KANSL1L: variants seen among roughly 807,000 people sequenced by gnomAD.
KANSL1L encodes the protein KAT8 regulatory NSL complex subunit 1 like, also known as KAT8 regulatory NSL complex subunit 1-like protein.
A neutral mutation model predicts 108.6 loss-of-function variants in KANSL1L; 25 were observed. The ratio of observed to expected loss-of-function variants is 0.23; its 90% CI spans 0.17 to 0.32. The LOEUF is 0.32. KANSL1L is among the 10% of genes least tolerant of loss of function. The pLI is 1.00. For synonymous variants in KANSL1L, 405 were observed against 395.1 expected (o/e 1.03, Z -0.30); for missense variants, 1,137 against 1,125.7 (o/e 1.01, Z -0.14).
In KANSL1L at chr2:210,031,435, C is replaced by G. The variant is rs746288323; in HGVS notation, c.2141G>C (p.Ser714Thr). 1.3e-6 allele frequency: 2 copies of G among 1,599,950 alleles called. No individual in the cohort carries two copies. Among genetic ancestry groups the G allele is most frequent in the South Asian group, 1.1e-5 (1 of 90,114 alleles). Residue 714 changes from serine to threonine, a missense_variant, in exon 9 of 15, where the codon AGT becomes ACT. Ser to Thr is a moderately conservative substitution (Grantham distance 58). This residue lies in a region of KANSL1L where 575 missense variants were observed against 567.1 expected (regional missense o/e 1.01). Transcript: ENST00000281772. ...LLQGRKKRHL[S>T]ETALGERTKL... is the part of the protein sequence containing the mutation. Reference sequence around the variant, plus strand: ...CTTTAACCTACCTAATGCTGTTTCACTCAAATGTCTTTTCTTTCTTCCCTG... The same window carrying G: ...CTTTAACCTACCTAATGCTGTTTCAGTCAAATGTCTTTTCTTTCTTCCCTG...
At chr2:210,029,582 A>C (rs1209189207) in intron 10 of KANSL1L, among the ~76,000 whole-genome samples, 1 of 152,142 alleles carries the variant, frequency 6.6e-6, no homozygotes, top group Non-Finnish European at 1.5e-5. Flanking sequence ...AATTTTTAAC[A>C]CATAAAAAGA....
In KANSL1L at chr2:210,112,402, A is replaced by T. The variant is rs374945778; in HGVS notation, c.1231-8101T>A. On this transcript the variant is annotated intron_variant, in intron 3 of 14. Transcript: ENST00000281772. ...AGAAAAGAAAAATAATCACATTGAC[A>T]GTAGACTTCTCCTCAGTATCAAACA... Among the ~76,000 whole-genome samples, 68 of 152,360 alleles carry T rather than the reference A, an allele frequency of 4.5e-4. 2 individuals carry two copies. The South Asian group carries it at 0.013, about 30-fold the overall frequency.
intron 6 of KANSL1L, among the ~76,000 whole-genome samples, chr2:210,060,076 T>C (rs1372128727): frequency 1.3e-5 from 2 of 152,192 alleles, no homozygotes; most frequent in South Asian, 2.1e-4. Context: ...TGAGATGATA[T>C]CTTTATTTTT....
intron 2 of KANSL1L, among the ~76,000 whole-genome samples, chr2:210,133,460 A>AT (rs2095145558): frequency 6.6e-6 from 1 of 151,994 alleles, no homozygotes; most frequent in Non-Finnish European, 1.5e-5. Context: ...CTATAGTGAT[A>AT]TTTTTCCTTC....
chr2:210,031,608 A>AATC (rs2094017389), intron 8 of KANSL1L, 62 bp from the exon 9 acceptor site: 1 of 1,088,434 alleles, frequency 9.2e-7, no homozygotes, highest in Admixed American at 2.9e-5. Context: ...TGAACATGTC[A>AATC]ATCTGTTTTT....
At position 210,028,986 on chromosome 2, in the gene KANSL1L, C is replaced by T. The variant is rs1199194361; in HGVS notation, c.2272-17G>A. 1.2e-6 allele frequency: 2 copies of T among 1,603,022 alleles called. No homozygotes were observed. The highest frequency in any genetic ancestry group is 1.7e-4 in the Middle Eastern group (1 of 6,034). On this transcript the variant is annotated splice_polypyrimidine_tract_variant and intron_variant, in intron 10 of 14. Coordinates refer to ENST00000281772, the MANE Select transcript of KANSL1L (RefSeq NM_152519.4). The stretch of plus-strand genomic sequence containing the variant: ...TGCAGTATTCTGCAAAACAGGATTA[C>T]AGTAGATTTACAGTACTGTCTAGTT...
At chr2:210,159,031 T>C (rs977185312) in intron 1 of KANSL1L, among the ~76,000 whole-genome samples, 2 of 152,224 alleles carry the variant, frequency 1.3e-5, no homozygotes, top group African/African-American at 4.8e-5. Flanking sequence ...ATCCTCAACA[T>C]GCAAATCTAT....
At chr2:210,057,309 T>G (rs1559520803) in intron 6 of KANSL1L, among the ~76,000 whole-genome samples, 2 of 152,030 alleles carry the variant, frequency 1.3e-5, no homozygotes, top group Admixed American at 1.3e-4. Context: ...GGCTGAAGCA[T>G]GAGAATCACT....
chr2:210,152,183 G>A (rs1017295364), intron 2 of KANSL1L: 5 of 152,096 alleles, frequency 3.3e-5, no homozygotes, highest in Non-Finnish European at 5.9e-5. Flanking sequence ...ATGTATCCAT[G>A]TGTGACAGAC....
In KANSL1L at chr2:210,079,650, A is replaced by ATGTATGTG. The variant is rs1296415684; in HGVS notation, c.1551-3895_1551-3894insCACATACA. On this transcript the variant is annotated intron_variant, in intron 5 of 14. Transcript: ENST00000281772. Reference sequence around the variant, plus strand: ...TATATATATATATATATATATATATATATATATATATATATGTATGTGTGT... The same window carrying ATGTATGTG: ...TATATATATATATATATATATATATATGTATGTGTATATATATATATATGTATGTGTGT... 8.3e-3 allele frequency among the ~76,000 whole-genome samples: 162 copies of ATGTATGTG among 19,518 alleles called. 22 individuals are homozygous for ATGTATGTG. The highest frequency in any genetic ancestry group is 0.026 in the African/African-American group (151 of 5,740). 12.8% of individuals were successfully genotyped at this position (19,518 alleles called of 152,430 possible).
At chr2:210,043,689 G>C (rs2094192851) in intron 7 of KANSL1L, 1 of 308,598 alleles carries the variant, frequency 3.2e-6, no homozygotes, top group African/African-American at 2.1e-5. Context: ...TAAAAACCTA[G>C]TAATTTCCCA....
intron 5 of KANSL1L, among the ~76,000 whole-genome samples, chr2:210,082,851 T>G (rs1194820624): frequency 6.6e-6 from 1 of 152,232 alleles, no homozygotes; most frequent in Non-Finnish European, 1.5e-5. Context: ...GAGATTATGA[T>G]AGTTTCCTAG....
intron 2 of KANSL1L, among the ~76,000 whole-genome samples, chr2:210,137,266 T>C (rs768180082): frequency 2.6e-5 from 4 of 152,220 alleles, no homozygotes; most frequent in Non-Finnish European, 5.9e-5. Flanking sequence ...AGCAACTTAC[T>C]GAGCTACAGG....
intron 2 of KANSL1L, among the ~76,000 whole-genome samples, chr2:210,135,037 G>T (rs1274908725): frequency 2.0e-5 from 3 of 152,116 alleles, no homozygotes; most frequent in Non-Finnish European, 4.4e-5. Context: ...TAAGGTCCTA[G>T]CAAGACCTTA....
rs552264805 is a variant in KANSL1L at position 210,082,345 on chromosome 2, G to C, written c.1551-6589C>G. On this transcript the variant is annotated intron_variant, in intron 5 of 14. Coordinates refer to ENST00000281772, the MANE Select transcript of KANSL1L (RefSeq NM_152519.4). The stretch of plus-strand genomic sequence containing the variant: ...GTGATAAAAATGCTTTTAGACATTT[G>C]GAATCTAAGACATGTACTAAACTAC... 1.2e-4 allele frequency among the ~76,000 whole-genome samples: 18 copies of C among 152,198 alleles called. 1 individual carries two copies. In the South Asian group the frequency reaches 3.3e-3, roughly 28 times the overall value.
At chr2:210,133,739 T>C (rs1231343240) in intron 2 of KANSL1L, among the ~76,000 whole-genome samples, 3 of 152,170 alleles carry the variant, frequency 2.0e-5, no homozygotes, top group Non-Finnish European at 4.4e-5. Flanking sequence ...AATTCTGATA[T>C]GTCATGTTTC....
intron 5 of KANSL1L, 72 bp downstream of exon 5, chr2:210,098,014 C>A (rs2094754606): frequency 1.5e-6 from 2 of 1,378,414 alleles, no homozygotes; most frequent in Non-Finnish European, 2.0e-6. Flanking sequence ...CTTAAAATAT[C>A]AAAACAAAAT....
intron 3 of KANSL1L, among the ~76,000 whole-genome samples, chr2:210,127,719 A>G (rs2095079595): frequency 7.3e-6 from 1 of 137,390 alleles, no homozygotes; most frequent in African/African-American, 2.6e-5. Context: ...GGATTGCTTG[A>G]GCCCGGGAGG....
intron 6 of KANSL1L, chr2:210,063,701 T>C (rs1167867194): frequency 6.6e-6 from 1 of 152,212 alleles, no homozygotes; most frequent in Admixed American, 6.5e-5. Context: ...GGCCAATTTT[T>C]CCCATTTGGA....
Sources: gnomAD v4.1 joint callset for allele counts (sites outside exome capture counted in the v4.1 genomes callset) on GRCh38, gnomAD v4.1.1 for gene constraint, gnomAD v4.1.1 regional missense constraint, MANE v1.5 for transcripts, NCBI Gene and HGNC (gene_info 2026-07-23, HGNC 2026-07-21) for gene names.